CCSER1: variants seen among roughly 807,000 people sequenced by gnomAD.
CCSER1 encodes coiled-coil serine rich protein 1.
In CCSER1, 41 loss-of-function variants were observed where a neutral mutation model predicts 82.0. The observed-to-expected ratio is 0.50, with a 90% confidence interval of 0.39 to 0.65. The LOEUF (loss-of-function observed/expected upper bound fraction) is 0.65. CCSER1 is among the 30% of genes least tolerant of loss of function. The probability of loss-of-function intolerance (pLI) is 0.00; values close to 1 mark genes in which losing one functional copy is unlikely to be tolerated. For synonymous variants in CCSER1, 414 were observed against 383.9 expected (o/e 1.08, Z -0.92); for missense variants, 1,119 against 1,064.2 (o/e 1.05, Z -0.72).
At chr4:90,571,305 A>T (rs1180667922) in intron 5 of CCSER1, among the ~76,000 whole-genome samples, 1 of 152,188 alleles carries the variant, frequency 6.6e-6, no homozygotes, top group Non-Finnish European at 1.5e-5. Flanking sequence ...CACTATTCAC[A>T]ATAGTAAAGG....
chr4:90,686,016 A>C, intron 6 of CCSER1, among the ~76,000 whole-genome samples: 1 of 152,050 alleles, frequency 6.6e-6, no homozygotes, highest in East Asian at 1.9e-4. Flanking sequence ...TGGTTTAATT[A>C]TTTAATTGGT....
intron 10 of CCSER1, among the ~76,000 whole-genome samples, chr4:91,171,727 A>G (rs1732776617): frequency 6.6e-6 from 1 of 152,120 alleles, no homozygotes; most frequent in African/African-American, 2.4e-5. Context: ...AGAGTGGAAT[A>G]TCTAGGCAAA....
intron 10 of CCSER1, among the ~76,000 whole-genome samples, chr4:91,513,178 G>A (rs181097959): frequency 2.6e-4 from 40 of 152,180 alleles, no homozygotes; most frequent in Non-Finnish European, 1.9e-4. Flanking sequence ...TTATCATGGA[G>A]GGATTTTGGA....
chr4:91,271,637 C>CATATATATGATATACATATATACACACAT (rs1742032748), intron 10 of CCSER1, among the ~76,000 whole-genome samples: 6 of 151,522 alleles, frequency 4.0e-5, no homozygotes, highest in South Asian at 2.1e-4. Context: ...AGTATTCCAT[C>CATATATATGATATACATATATACACACAT]ATATATATGA....
chr4:90,436,380 AG>A (rs1758993208), intron 4 of CCSER1, among the ~76,000 whole-genome samples: 1 of 152,222 alleles, frequency 6.6e-6, no homozygotes, highest in South Asian at 2.1e-4. Context: ...CAGAAAACTA[AG>A]TTCAACTCAA....
chr4:91,338,405 C>G (rs1747466882), intron 10 of CCSER1, among the ~76,000 whole-genome samples: 1 of 152,094 alleles, frequency 6.6e-6, no homozygotes, highest in Non-Finnish European at 1.5e-5. Flanking sequence ...TGGGGCGTGA[C>G]TTCTGGAGTT....
intron 10 of CCSER1, among the ~76,000 whole-genome samples, chr4:91,494,035 T>G (rs966540971): frequency 4.6e-5 from 7 of 151,878 alleles, no homozygotes; most frequent in African/African-American, 1.7e-4. Flanking sequence ...GTGGGGACTT[T>G]ACAAAATGAA....
intron 8 of CCSER1, among the ~76,000 whole-genome samples, chr4:90,880,022 G>T (rs971530975): frequency 6.6e-6 from 1 of 152,178 alleles, no homozygotes; most frequent in African/African-American, 2.4e-5. Context: ...AAGCTTTGGG[G>T]TGTGATCCAG....
intron 6 of CCSER1, among the ~76,000 whole-genome samples, chr4:90,631,383 C>CA (rs1345566001): frequency 1.3e-5 from 2 of 152,234 alleles, no homozygotes; most frequent in Middle Eastern, 3.4e-3. Context: ...AAATGCAATG[C>CA]ATTCATGATA....
At chr4:90,548,403 C>T (rs776971651) in intron 5 of CCSER1, among the ~76,000 whole-genome samples, 1 of 152,068 alleles carries the variant, frequency 6.6e-6, no homozygotes, top group African/African-American at 2.4e-5. Context: ...CATACACACA[C>T]ATATCCCAGC....
At chr4:91,398,016 A>G (rs1305474569) in intron 10 of CCSER1, among the ~76,000 whole-genome samples, 1 of 151,962 alleles carries the variant, frequency 6.6e-6, no homozygotes, top group African/African-American at 2.4e-5. Flanking sequence ...TCAGAAGTAG[A>G]CTGAGTTTTA....
chr4:90,325,703 C>A (rs1458224308), intron 3 of CCSER1: 1 of 430,652 alleles, frequency 2.3e-6, no homozygotes, highest in Admixed American at 2.4e-5. Context: ...TCACTGGAAT[C>A]TGAGGTTTGT....
chr4:91,310,842 C>CT (rs1258550092), intron 10 of CCSER1, among the ~76,000 whole-genome samples: 1 of 151,588 alleles, frequency 6.6e-6, no homozygotes, highest in African/African-American at 2.4e-5. Flanking sequence ...CATTCTGAGA[C>CT]TTTTTTTGTG....
chr4:90,780,499 C>A, intron 7 of CCSER1: 4 of 1,612,052 alleles, frequency 2.5e-6, no homozygotes, highest in Non-Finnish European at 3.4e-6. Context: ...GATTGGGGTT[C>A]AGGAGGCCTA....
intron 10 of CCSER1, among the ~76,000 whole-genome samples, chr4:91,564,025 C>A (rs995688366): frequency 6.6e-6 from 1 of 151,684 alleles, no homozygotes; most frequent in Admixed American, 6.6e-5. Flanking sequence ...CTTTTCTGCT[C>A]CTTTCCCTAC....
intron 6 of CCSER1, among the ~76,000 whole-genome samples, chr4:90,670,756 C>G (rs1221623677): frequency 6.6e-6 from 1 of 151,876 alleles, no homozygotes; most frequent in Non-Finnish European, 1.5e-5. Flanking sequence ...CACTGAGTAC[C>G]TGTTAGCTAC....
At chr4:90,779,520 C>T (rs1753459172) in intron 7 of CCSER1, among the ~76,000 whole-genome samples, 1 of 152,186 alleles carries the variant, frequency 6.6e-6, no homozygotes, top group Admixed American at 6.5e-5. Context: ...ATTTAACATT[C>T]ACTTATTCCT....
At chr4:90,627,106 T>G (rs575304692) in intron 5 of CCSER1, among the ~76,000 whole-genome samples, 1 of 152,176 alleles carries the variant, frequency 6.6e-6, no homozygotes, top group Non-Finnish European at 1.5e-5. Flanking sequence ...TATTTCATTA[T>G]AGATATAAAA....
rs575215107 is a variant in CCSER1, at chr4:91,526,609, T to C, written c.2218-71963T>C. 2.6e-5 allele frequency among the ~76,000 whole-genome samples: 4 copies of C among 152,304 alleles called. No individual in the cohort carries two copies. In the East Asian group the frequency reaches 7.7e-4, roughly 29 times the overall value. ...TTTCTTCAGATCATATACTCTATTA[T>C]TTACTTATTTCTTGAGATGGAGTTT... On this transcript the variant is annotated intron_variant, in intron 10 of 10. Transcript: ENST00000509176.
Sources: allele counts gnomAD v4.1 joint callset (sites outside exome capture counted in the v4.1 genomes callset), GRCh38; gene constraint gnomAD v4.1.1; transcripts MANE v1.5; gene names NCBI Gene and HGNC (gene_info 2026-07-23, HGNC 2026-07-21).